TTC17: variants seen among roughly 807,000 people sequenced by gnomAD.
The protein encoded by TTC17 is tetratricopeptide repeat domain 17, also known as tetratricopeptide repeat protein 17.
Under a neutral mutation model 143.8 loss-of-function variants are expected in TTC17, and 58 were observed. The ratio of observed to expected loss-of-function variants is 0.40; its 90% CI spans 0.33 to 0.50. The LOEUF (loss-of-function observed/expected upper bound fraction) is 0.50, where lower values mean the gene tolerates loss of function less well. TTC17 is among the 20% of genes least tolerant of loss of function. The pLI is 0.49. For missense variants in TTC17, 1,273 were observed against 1,392.5 expected (o/e 0.91, Z 1.37); for synonymous variants, 501 against 497.8 (o/e 1.01, Z -0.09).
chr11:43,361,362 G>T (rs1425408197), intron 1 of TTC17, among the ~76,000 whole-genome samples: 1 of 152,222 alleles, frequency 6.6e-6, no homozygotes, highest in East Asian at 1.9e-4. Flanking sequence ...CTCAGCTTAT[G>T]AAGGGGTTAT....
chr11:43,474,945 A>G (rs1272909863), intron 21 of TTC17, among the ~76,000 whole-genome samples: 2 of 152,192 alleles, frequency 1.3e-5, no homozygotes, highest in Admixed American at 6.5e-5. Flanking sequence ...CATGTTAAGT[A>G]GGCTGAGGAG....
chr11:43,361,342 A>G (rs1460943855), intron 1 of TTC17, among the ~76,000 whole-genome samples: 1 of 152,236 alleles, frequency 6.6e-6, no homozygotes, highest in Admixed American at 6.5e-5. Flanking sequence ...CTTAGTATAT[A>G]CAGATGCTCC....
At chr11:43,455,685 A>G (rs748372959) in intron 21 of TTC17, among the ~76,000 whole-genome samples, 15 of 152,190 alleles carry the variant, frequency 9.9e-5, no homozygotes, top group Non-Finnish European at 1.9e-4. Context: ...CAGTAGAAAC[A>G]GCATCTAAAT....
chr11:43,427,481 GTAGT>G (rs1227416898), intron 16 of TTC17, among the ~76,000 whole-genome samples: 2 of 152,138 alleles, frequency 1.3e-5, no homozygotes. Context: ...GCTATTGCGG[GTAGT>G]TAATTTTCTT....
At chr11:43,371,733 GA>G in intron 1 of TTC17, among the ~76,000 whole-genome samples, 1 of 152,294 alleles carries the variant, frequency 6.6e-6, no homozygotes, top group Admixed American at 6.5e-5. Flanking sequence ...CCCTGATCCT[GA>G]AACTACCTAG....
At chr11:43,365,008 T>TCAGGCTGGTCTCAAACTCCTGAC in intron 1 of TTC17, among the ~76,000 whole-genome samples, 1 of 151,798 alleles carries the variant, frequency 6.6e-6, no homozygotes, top group Non-Finnish European at 1.5e-5. Flanking sequence ...TTTCTCCTGG[T>TCAGGCTGGTCTCAAACTCCTGAC]CAGGCTGGTC....
chr11:43,474,043 A>G (rs550218411), intron 21 of TTC17, among the ~76,000 whole-genome samples: 4 of 152,224 alleles, frequency 2.6e-5, no homozygotes, highest in Non-Finnish European at 5.9e-5. Context: ...AAACAAAAAT[A>G]CTTTTGAATG....
chr11:43,414,731 C>T lies in TTC17; in HGVS notation c.2206C>T (p.Gln736Ter). 1 of 1,613,596 alleles carries T rather than the reference C, an allele frequency of 6.2e-7. No homozygotes were observed. Among genetic ancestry groups the T allele is most frequent in the Non-Finnish European group, 8.5e-7 (1 of 1,179,738 alleles). The change falls in exon 16 of 24, where the codon CAG (glutamine) becomes TAG (stop). Residue 736 changes from glutamine to a stop codon, truncating the protein, a stop_gained. Coordinates refer to ENST00000039989, the MANE Select transcript of TTC17 (RefSeq NM_018259.6). LOFTEE classifies it high-confidence loss of function. Reference sequence around the variant, plus strand: ...CAGCCTGAAGTTGATCCGCTGTATGCAGTTTTATCCTTTTCTGTACAACAT... The same window carrying T: ...CAGCCTGAAGTTGATCCGCTGTATGTAGTTTTATCCTTTTCTGTACAACAT... The part of the protein sequence containing the change: ...ENSLKLIRCM[Q>*]FYPFLYNITS...
intron 16 of TTC17, among the ~76,000 whole-genome samples, chr11:43,443,118 C>T (rs1947459272): frequency 6.6e-6 from 1 of 152,224 alleles, no homozygotes; most frequent in African/African-American, 2.4e-5. Flanking sequence ...CCACTGTTCT[C>T]AGCCAGGCTT....
intron 21 of TTC17, among the ~76,000 whole-genome samples, chr11:43,485,839 G>A (rs1948368927): frequency 4.0e-5 from 6 of 151,058 alleles, no homozygotes; most frequent in Admixed American, 4.0e-4. Flanking sequence ...TTGTATGTTG[G>A]CATGGCACCT....
At chr11:43,409,241 A>G (rs192284361) in intron 15 of TTC17, among the ~76,000 whole-genome samples, 16 of 152,234 alleles carry the variant, frequency 1.1e-4, no homozygotes, top group African/African-American at 2.4e-4. Context: ...GCCACAACCT[A>G]TTTTTCTGTT....
In TTC17 at chr11:43,455,913, T is replaced by A. The variant is rs866983443; in HGVS notation, c.3030+4648T>A. Among the ~76,000 whole-genome samples, 4 of 152,112 alleles carry A rather than the reference T, an allele frequency of 2.6e-5. No individual in the cohort carries two copies. The South Asian group carries it at 8.3e-4, about 32-fold the overall frequency. On this transcript the variant is annotated intron_variant, in intron 21 of 23. Transcript: ENST00000039989. The stretch of plus-strand genomic sequence containing the variant: ...AAAAAATGACACCAAAAAATAAAAC[T>A]ACTAACCTATTTCTCTTGTTAACAA...
chr11:43,493,848 C>A lies in TTC17; in HGVS notation c.3370C>A (p.Arg1124=), dbSNP rs537503775. 61 of 1,613,866 alleles carry A rather than the reference C, an allele frequency of 3.8e-5. No homozygotes were observed. The highest frequency in any genetic ancestry group is 4.9e-5 in the Non-Finnish European group (58 of 1,179,960). The change falls in exon 24 of 24, where the codon CGA becomes AGA. Residue 1124 remains arginine (R), a synonymous_variant. Coordinates refer to ENST00000039989, the MANE Select transcript of TTC17 (RefSeq NM_018259.6). ...GCCCGAGTTTGTCCCAGCCAAGAAC[C>A]GAATCCAGACCATCCAGTGTCACTT... ...LQPEFVPAKN[R]IQTIQCHLML... is the part of the protein sequence containing the mutation.
At chr11:43,459,948 G>A (rs984475556) in intron 21 of TTC17, among the ~76,000 whole-genome samples, 10 of 152,230 alleles carry the variant, frequency 6.6e-5, no homozygotes, top group East Asian at 3.9e-4. Flanking sequence ...GGTAGGTTAC[G>A]TGTACTATTC....
intron 2 of TTC17, among the ~76,000 whole-genome samples, chr11:43,379,851 A>C (rs905182934): frequency 2.6e-5 from 4 of 152,318 alleles, no homozygotes; most frequent in African/African-American, 9.6e-5. Context: ...TTTTTTAATA[A>C]ACATCAGTTT....
At chr11:43,396,842 C>T (rs768721683) in intron 6 of TTC17, 24 bp downstream of exon 6, 7 of 1,474,584 alleles carry the variant, frequency 4.7e-6, no homozygotes, top group East Asian at 4.6e-5. Flanking sequence ...TCTTCTGGAC[C>T]TGATTTTCCA....
At chr11:43,488,191 C>T (rs1446776012) in intron 21 of TTC17, among the ~76,000 whole-genome samples, 1 of 152,136 alleles carries the variant, frequency 6.6e-6, no homozygotes, top group Non-Finnish European at 1.5e-5. Flanking sequence ...TCAGTGACCA[C>T]TGATTATATT....
intron 2 of TTC17, among the ~76,000 whole-genome samples, chr11:43,384,999 A>G (rs1164467941): frequency 6.6e-6 from 1 of 152,242 alleles, no homozygotes; most frequent in East Asian, 1.9e-4. Context: ...AAAATATAAT[A>G]TCGTATACTT....
chr11:43,420,544 T>G (rs1370983149), intron 16 of TTC17, among the ~76,000 whole-genome samples: 1 of 152,218 alleles, frequency 6.6e-6, no homozygotes, highest in Non-Finnish European at 1.5e-5. Context: ...AGCCTTCTAT[T>G]TTACGTGGAA....
Sources: allele counts gnomAD v4.1 joint callset (sites outside exome capture counted in the v4.1 genomes callset), GRCh38; gene constraint gnomAD v4.1.1; transcripts MANE v1.5; gene names NCBI Gene and HGNC (gene_info 2026-07-23, HGNC 2026-07-21).